CASK: variants seen among roughly 807,000 people sequenced by gnomAD.
The protein encoded by CASK is calcium/calmodulin dependent serine protein kinase, also known as peripheral plasma membrane protein CASK.
A neutral mutation model predicts 82.9 loss-of-function variants in CASK; 4 were observed. That is an observed-to-expected ratio of 0.05 (90% confidence interval 0.02 to 0.11). The LOEUF (loss-of-function observed/expected upper bound fraction) is 0.11. Ranked by LOEUF, CASK falls within the 10% of genes least tolerant of loss-of-function variation. The probability of loss-of-function intolerance (pLI) is 1.00; values close to 1 mark genes in which losing one functional copy is unlikely to be tolerated. For synonymous variants in CASK, 259 were observed against 253.5 expected, an observed-to-expected ratio of 1.02 and a Z score of -0.20; for missense variants, 358 against 720.9, an observed-to-expected ratio of 0.50 and a Z score of 5.76.
chrX:41,668,352 G>A (rs1422596394), intron 6 of CASK, among the ~76,000 whole-genome samples: 2 of 111,931 alleles, frequency 1.8e-5, no homozygotes, highest in Non-Finnish European at 3.8e-5. Context: ...AATAACAAAA[G>A]GCACTCCAAC....
chrX:41,822,752 T>C (rs1325826043), intron 2 of CASK, among the ~76,000 whole-genome samples: 2 of 109,202 alleles, frequency 1.8e-5, no homozygotes, highest in African/African-American at 3.3e-5. Context: ...GTGAAAACTA[T>C]TGTGACTGGT....
chrX:41,759,667 C>G (rs2068964272), intron 3 of CASK, among the ~76,000 whole-genome samples: 1 of 111,700 alleles, frequency 9.0e-6, no homozygotes. Context: ...AGATCTTGGT[C>G]ATGACACTTA....
intron 1 of CASK, among the ~76,000 whole-genome samples, chrX:41,856,952 T>C (rs762057971): frequency 9.0e-6 from 1 of 110,841 alleles, no homozygotes; most frequent in South Asian, 3.9e-4. Flanking sequence ...AGGGGGAATA[T>C]TGGAAGCCAG....
At chrX:41,667,911 T>C (rs62587053) in intron 6 of CASK, among the ~76,000 whole-genome samples, 12,745 of 111,473 alleles carry the variant, frequency 0.11, 713 homozygotes, top group Middle Eastern at 0.18. Context: ...TTCTTTCATA[T>C]TGAAAGGCTG....
At position 41,740,375 on chromosome X, in the gene CASK, C is replaced by T. The variant is rs187389224; in HGVS notation, c.357-919G>A. ...TGACAGAAATGCAATAGACTTAACA[C>T]TGTTCACTGTATAATATTTATAGAA... On this transcript the variant is annotated intron_variant, in intron 4 of 26. Transcript: ENST00000378163. Among the ~76,000 whole-genome samples, 139 of 109,816 alleles carry T rather than the reference C, an allele frequency of 1.3e-3. 2 individuals carry two copies. In the South Asian group the frequency reaches 0.052, roughly 41 times the overall value.
intron 1 of CASK, among the ~76,000 whole-genome samples, chrX:41,887,867 AC>A (rs1464006871): frequency 9.0e-6 from 1 of 111,050 alleles, no homozygotes; most frequent in Non-Finnish European, 1.9e-5. Flanking sequence ...TACCACCATG[AC>A]CAACAAAAAA....
At chrX:41,593,603 T>C (rs2065776870) in intron 12 of CASK, among the ~76,000 whole-genome samples, 1 of 111,661 alleles carries the variant, frequency 9.0e-6, no homozygotes, top group Non-Finnish European at 1.9e-5. Context: ...CAATAACAAC[T>C]GGCAATGATC....
chrX:41,696,725 C>G (rs2067696405), intron 5 of CASK: 2 of 1,203,331 alleles, frequency 1.7e-6, no homozygotes, highest in African/African-American at 1.8e-5. Flanking sequence ...CAGGATACTC[C>G]CTGCATGATA....
intron 11 of CASK, among the ~76,000 whole-genome samples, chrX:41,614,189 A>G (rs916022642): frequency 1.8e-5 from 2 of 110,953 alleles, no homozygotes; most frequent in South Asian, 3.8e-4. Context: ...GCCTTTTTAT[A>G]GCCATGCTCA....
At chrX:41,662,238 T>C (rs1013603808) in intron 7 of CASK, among the ~76,000 whole-genome samples, 1 of 111,831 alleles carries the variant, frequency 8.9e-6, no homozygotes, top group African/African-American at 3.3e-5. Flanking sequence ...TTATCTGTAA[T>C]AATGATATGA....
chrX:41,627,945 G>A lies in CASK; in HGVS notation c.916-1242C>T, dbSNP rs186626098. The stretch of plus-strand genomic sequence containing the variant: ...CTTGAACCCGGGAGGCAGAGGTTGC[G>A]GTGAGCCGAGATCGTGCCATTGCAC... On this transcript the variant is annotated intron_variant, in intron 9 of 26. Transcript: ENST00000378163. Among the ~76,000 whole-genome samples, 265 of 111,400 alleles carry A rather than the reference G, an allele frequency of 2.4e-3. 2 individuals are homozygous for A. Among genetic ancestry groups the A allele is most frequent in the African/African-American group, 8.2e-3 (253 of 30,695 alleles).
intron 2 of CASK, among the ~76,000 whole-genome samples, chrX:41,831,834 G>A (rs1253040878): frequency 1.8e-5 from 2 of 110,890 alleles, no homozygotes; most frequent in African/African-American, 3.3e-5. Flanking sequence ...TGTGGTGCAC[G>A]CCTGTAATCC....
intron 1 of CASK, among the ~76,000 whole-genome samples, chrX:41,911,577 T>G (rs1401754946): frequency 2.7e-5 from 3 of 112,484 alleles, no homozygotes; most frequent in Non-Finnish European, 5.6e-5. Context: ...AATAAAATTT[T>G]GGGAAGTTAC....
chrX:41,745,468 C>T (rs2068671489), intron 4 of CASK, 56 bp downstream of exon 4: 2 of 797,314 alleles, frequency 2.5e-6, no homozygotes, highest in South Asian at 2.1e-5. Flanking sequence ...ATGTCTTTGT[C>T]ATTTTCTTTT....
intron 3 of CASK, among the ~76,000 whole-genome samples, chrX:41,770,309 T>C (rs868130460): frequency 2.0e-3 from 199 of 101,197 alleles, no homozygotes; most frequent in Middle Eastern, 4.9e-3. Context: ...CCTACCTACC[T>C]ACCTATCCAT....
chrX:41,654,035 C>T (rs1042639259), intron 8 of CASK, among the ~76,000 whole-genome samples: 2 of 112,147 alleles, frequency 1.8e-5, no homozygotes, highest in African/African-American at 6.5e-5. Flanking sequence ...GGTGAAGCGG[C>T]TCATTTGGTT....
intron 6 of CASK, among the ~76,000 whole-genome samples, chrX:41,667,344 T>TA (rs2067133582): frequency 1.8e-5 from 2 of 111,681 alleles, no homozygotes. Context: ...ACCAACTTCC[T>TA]AAAAATCCTT....
intron 2 of CASK, among the ~76,000 whole-genome samples, chrX:41,809,034 G>T (rs186041529): frequency 3.8e-4 from 43 of 112,505 alleles, no homozygotes; most frequent in African/African-American, 1.3e-3. Context: ...CGGCAGCAAG[G>T]CTGGGGGAGG....
intron 5 of CASK, among the ~76,000 whole-genome samples, chrX:41,683,015 G>T (rs1373156772): frequency 2.7e-5 from 3 of 111,140 alleles, no homozygotes; most frequent in African/African-American, 9.8e-5. Flanking sequence ...CCAGAATAGG[G>T]CACTTTTCAT....
Sources: gnomAD v4.1 joint callset for allele counts (sites outside exome capture counted in the v4.1 genomes callset) on GRCh38, gnomAD v4.1.1 for gene constraint, MANE v1.5 for transcripts, NCBI Gene and HGNC (gene_info 2026-07-23, HGNC 2026-07-21) for gene names.